Variants in LRRTM4 observed in about 807,000 individuals in gnomAD.
LRRTM4 encodes leucine rich repeat transmembrane neuronal 4.
Under a neutral mutation model 47.6 loss-of-function variants are expected in LRRTM4, and 25 were observed. The ratio of observed to expected loss-of-function variants is 0.53; its 90% CI spans 0.38 to 0.73. The LOEUF is 0.73. LRRTM4 is among the 30% of genes least tolerant of loss of function. The pLI is 0.00. For synonymous variants in LRRTM4, 311 were observed against 269.5 expected (o/e 1.15, Z -1.51); for missense variants, 638 against 713.4 (o/e 0.89, Z 1.20).
Position 77,519,541 on chromosome 2 carries a change from T to G in LRRTM4, c.328A>C (p.Arg110=). Residue 110 remains arginine, a synonymous_variant, in exon 3 of 4, where the codon AGA becomes CGA. Coordinates refer to ENST00000409884, the MANE Select transcript of LRRTM4 (RefSeq NM_001134745.3). The surrounding 1 kb of genome is among the most constrained non-coding windows in gnomAD (Gnocchi z 4.6). ...VDEDAFQGIR[R]LKELILSSNK... ...GAGCTTAGAATTAATTCTTTCAGTCTACGGATCCCTTGAAATGCATCTTCA... is the reference window on the plus strand; with the variant it reads ...GAGCTTAGAATTAATTCTTTCAGTCGACGGATCCCTTGAAATGCATCTTCA... The G allele has an allele frequency of 6.2e-7, 1 of 1,613,476 alleles. No individual in the cohort carries two copies. Among genetic ancestry groups the G allele is most frequent in the Non-Finnish European group, 8.5e-7 (1 of 1,179,628 alleles).
At chr2:76,916,788 A>T (rs6715833) in intron 3 of LRRTM4, among the ~76,000 whole-genome samples, 26,206 of 152,192 alleles carry the variant, frequency 0.17, 2,413 homozygotes, top group Admixed American at 0.23. Context: ...TATTTTTAGA[A>T]CTATCTTTAA....
chr2:76,975,785 C>G (rs186835479), intron 3 of LRRTM4, among the ~76,000 whole-genome samples: 1 of 151,840 alleles, frequency 6.6e-6, no homozygotes, highest in East Asian at 1.9e-4. Context: ...GCCACATTTA[C>G]AGGAAACAAG....
intron 3 of LRRTM4, chr2:77,517,843 A>G: frequency 1.0e-6 from 1 of 986,240 alleles, no homozygotes; most frequent in East Asian, 1.1e-4. Flanking sequence ...AAAAATTTAC[A>G]ACAAAATCAA....
intron 3 of LRRTM4, among the ~76,000 whole-genome samples, chr2:76,781,297 G>T (rs1674374051): frequency 6.8e-6 from 1 of 146,454 alleles, no homozygotes; most frequent in East Asian, 2.2e-4. Context: ...CGAGCTTCCT[G>T]GCTGCTTTGT....
At chr2:77,402,785 T>C (rs290019) in intron 3 of LRRTM4, among the ~76,000 whole-genome samples, 151,925 of 152,038 alleles carry the variant, frequency 1, 75,906 homozygotes, top group Middle Eastern at 1. Context: ...TCAATTACTA[T>C]GTGATCTTGG....
chr2:77,073,177 G>GT (rs146281985), intron 3 of LRRTM4, among the ~76,000 whole-genome samples: 8,430 of 147,324 alleles, frequency 0.057, 322 homozygotes, highest in South Asian at 0.11. Flanking sequence ...GTTCTTCAGT[G>GT]TTTTTTTTTT....
chr2:77,298,878 T>C (rs1366394809), intron 3 of LRRTM4, among the ~76,000 whole-genome samples: 1 of 152,298 alleles, frequency 6.6e-6, no homozygotes, highest in Non-Finnish European at 1.5e-5. Flanking sequence ...GCTTAAATTA[T>C]TTTTTCTTAC....
chr2:77,087,532 T>C (rs1680759160), intron 3 of LRRTM4, among the ~76,000 whole-genome samples: 1 of 152,230 alleles, frequency 6.6e-6, no homozygotes, highest in South Asian at 2.1e-4. Flanking sequence ...ATTCAACCAA[T>C]GTTTACAGAA....
rs1389802773 is a variant in LRRTM4, at chr2:77,075,709, A to T, written c.1552-326793T>A. Among the ~76,000 whole-genome samples, 202 of 151,240 alleles carry T rather than the reference A, an allele frequency of 1.3e-3. 1 individual carries two copies. Among genetic ancestry groups the T allele is most frequent in the African/African-American group, 4.7e-3 (193 of 41,070 alleles). On this transcript the variant is annotated intron_variant, in intron 3 of 3. Coordinates refer to ENST00000409884, the MANE Select transcript of LRRTM4 (RefSeq NM_001134745.3). ...GGCGGGCAGATCACGAGGTCAGGAG[A>T]TCGAGACCATCCTGGCTAACAAGGT...
intron 3 of LRRTM4, among the ~76,000 whole-genome samples, chr2:76,838,214 C>T (rs79105038): frequency 0.092 from 14,002 of 151,816 alleles, 688 homozygotes; most frequent in Middle Eastern, 0.17. Context: ...AAAAGAGGTA[C>T]GTAATCACAT....
At chr2:77,398,766 C>A (rs974420034) in intron 3 of LRRTM4, among the ~76,000 whole-genome samples, 10 of 151,638 alleles carry the variant, frequency 6.6e-5, no homozygotes, top group African/African-American at 1.5e-4. Context: ...TTAAACATAC[C>A]CTGATAATGA....
At chr2:77,116,626 G>A (rs1364823408) in intron 3 of LRRTM4, among the ~76,000 whole-genome samples, 3 of 152,058 alleles carry the variant, frequency 2.0e-5, no homozygotes, top group Non-Finnish European at 4.4e-5. Flanking sequence ...ACATTATAGG[G>A]AGAAATCCAG....
intron 3 of LRRTM4, among the ~76,000 whole-genome samples, chr2:76,759,856 G>C (rs1517783): frequency 0.073 from 11,068 of 151,978 alleles, 775 homozygotes; most frequent in East Asian, 0.31. Context: ...GTCACCCCAC[G>C]CTGATTCACA....
At chr2:77,358,491 C>G (rs1374537795) in intron 3 of LRRTM4, among the ~76,000 whole-genome samples, 1 of 152,126 alleles carries the variant, frequency 6.6e-6, no homozygotes, top group Non-Finnish European at 1.5e-5. Flanking sequence ...TCTCATTAGG[C>G]CCCACCTCCG....
intron 3 of LRRTM4, among the ~76,000 whole-genome samples, chr2:76,878,021 T>C (rs1456050473): frequency 2.0e-5 from 3 of 152,196 alleles, no homozygotes; most frequent in Non-Finnish European, 4.4e-5. Flanking sequence ...ACTCTGCATT[T>C]AGAAACCCTG....
intron 3 of LRRTM4, among the ~76,000 whole-genome samples, chr2:76,807,926 TCCTTTC>T (rs796127485): frequency 1.8e-3 from 215 of 119,024 alleles, no homozygotes; most frequent in African/African-American, 5.5e-3. Flanking sequence ...TTCCTTTCTT[TCCTTTC>T]CTTTCTTTCT....
chr2:76,851,693 T>C (rs1478508993), intron 3 of LRRTM4, among the ~76,000 whole-genome samples: 2 of 152,052 alleles, frequency 1.3e-5, no homozygotes, highest in Non-Finnish European at 2.9e-5. Context: ...TTCATATTTC[T>C]TAAAGACCAG....
At chr2:76,800,708 ACAAAGGG>A (rs1663903357) in intron 3 of LRRTM4, among the ~76,000 whole-genome samples, 1 of 119,640 alleles carries the variant, frequency 8.4e-6, no homozygotes, top group African/African-American at 3.3e-5. Flanking sequence ...TACTCATCTG[ACAAAGGG>A]CTAATATCCA....
At chr2:77,306,977 G>A (rs1366391736) in intron 3 of LRRTM4, among the ~76,000 whole-genome samples, 3 of 139,802 alleles carry the variant, frequency 2.1e-5, no homozygotes, top group African/African-American at 8.5e-5. Context: ...TCGGCTCACT[G>A]CAAGCTCCGC....
Sources: gnomAD v4.1 joint callset for allele counts (sites outside exome capture counted in the v4.1 genomes callset) on GRCh38, gnomAD v4.1.1 for gene constraint, Gnocchi (gnomAD v3.1) non-coding constraint, MANE v1.5 for transcripts, NCBI Gene and HGNC (gene_info 2026-07-23, HGNC 2026-07-21) for gene names.